CRLF3: variants seen among roughly 807,000 people sequenced by gnomAD.
CRLF3 encodes the protein cytokine receptor-like factor 3.
In CRLF3, 33 loss-of-function variants were observed where a neutral mutation model predicts 55.0. That is an observed-to-expected ratio of 0.60 (90% CI 0.46 to 0.80). The LOEUF is 0.80. Among genes scored for constraint, CRLF3 ranks in the 30% least tolerant of loss-of-function variants. The pLI is 0.00. For synonymous variants in CRLF3, 238 were observed against 196.8 expected (o/e 1.21, Z -1.75); for missense variants, 494 against 538.4 (o/e 0.92, Z 0.82).
chr17:30,795,905 C>T (rs1397307155), intron 4 of CRLF3, among the ~76,000 whole-genome samples: 1 of 151,866 alleles, frequency 6.6e-6, no homozygotes, highest in Non-Finnish European at 1.5e-5. Context: ...TGCAGTAAGC[C>T]GAGATCACGC....
intron 3 of CRLF3, 27 bp downstream of exon 3, chr17:30,797,284 A>G (rs1241095713): frequency 6.6e-7 from 1 of 1,511,446 alleles, no homozygotes; most frequent in Admixed American, 1.7e-5. Flanking sequence ...GCTTAAAAGT[A>G]AGTCAAAAAG....
intron 1 of CRLF3, among the ~76,000 whole-genome samples, chr17:30,821,193 A>G (rs1904985570): frequency 6.6e-6 from 1 of 151,994 alleles, no homozygotes; most frequent in Non-Finnish European, 1.5e-5. Context: ...ACAAAAAATT[A>G]GCCAGGGGTG....
Position 30,783,774 on chromosome 17 carries a change from T to G in CRLF3, c.*413A>C, listed in dbSNP as rs534638963. 7.9e-5 allele frequency: 13 copies of G among 164,420 alleles called. No individual in the cohort carries two copies. The highest frequency in any genetic ancestry group is 3.1e-4 in the African/African-American group (13 of 41,656). 10.2% of individuals were successfully genotyped at this position (164,420 alleles called of 1,614,324 possible). On this transcript the variant is annotated 3_prime_UTR_variant, in exon 8 of 8. Transcript: ENST00000324238. Reference sequence around the variant, plus strand: ...CGGATGTATTAATACATTACACAGCTTCTTCTATCTGACCTATTCCTCTTG... The same window carrying G: ...CGGATGTATTAATACATTACACAGCGTCTTCTATCTGACCTATTCCTCTTG...
At chr17:30,788,977 ATTG>A (rs1003062076) in intron 6 of CRLF3, among the ~76,000 whole-genome samples, 20 of 151,918 alleles carry the variant, frequency 1.3e-4, no homozygotes, top group African/African-American at 4.8e-4. Flanking sequence ...AAAACTAAAT[ATTG>A]TTTCTCTTGA....
intron 6 of CRLF3, chr17:30,786,255 G>T (rs60724269): frequency 0.12 from 44,272 of 380,434 alleles, 2,808 homozygotes; most frequent in South Asian, 0.18. Context: ...TTTCTTTTTT[G>T]TTGAGACGGA....
In CRLF3 at chr17:30,784,277, C is replaced by G; in HGVS notation, c.1239G>C (p.Val413=). Residue 413 remains valine, a synonymous_variant, in exon 8 of 8, where the codon GTG becomes GTC. Coordinates refer to ENST00000324238, the MANE Select transcript of CRLF3 (RefSeq NM_015986.4). ...ACTGATCAAGTAACCAGTCAAAAACCACTTCTCTATTATTTGAACTTATAG... is the reference window on the plus strand; with the variant it reads ...ACTGATCAAGTAACCAGTCAAAAACGACTTCTCTATTATTTGAACTTATAG... ...RVTISSNNRE[V]VFDWLLDQSC... is the part of the protein sequence containing the mutation. 6.2e-7 allele frequency: 1 copy of G among 1,613,808 alleles called. No homozygotes were observed. The highest frequency in any genetic ancestry group is 8.5e-7 in the Non-Finnish European group (1 of 1,179,804).
intron 1 of CRLF3, among the ~76,000 whole-genome samples, chr17:30,815,089 T>C (rs1177885869): frequency 7.0e-5 from 10 of 143,840 alleles, no homozygotes; most frequent in African/African-American, 2.4e-4. Flanking sequence ...TCTTTCTTTT[T>C]TTTTTTTTTT....
At chr17:30,817,331 A>G (rs1904837633) in intron 1 of CRLF3, among the ~76,000 whole-genome samples, 2 of 151,962 alleles carry the variant, frequency 1.3e-5, no homozygotes, top group Admixed American at 1.3e-4. Context: ...CCAGCTACTC[A>G]GGAGGCTGAG....
At chr17:30,809,084 G>C (rs1904528249) in intron 1 of CRLF3, among the ~76,000 whole-genome samples, 1 of 152,176 alleles carries the variant, frequency 6.6e-6, no homozygotes, top group Non-Finnish European at 1.5e-5. Flanking sequence ...AAGTGCATTG[G>C]TTAGGTAAAG....
rs1597907187 is a variant in CRLF3 at position 30,782,732 on chromosome 17, C to T, written c.*1455G>A. ...TGATTCCTATGGCTGGACAAGGTAT[C>T]TACATTCTAGAACATCTTCTTAATC... On this transcript the variant is annotated 3_prime_UTR_variant, in exon 8 of 8. Coordinates refer to ENST00000324238, the MANE Select transcript of CRLF3 (RefSeq NM_015986.4). 1 of 152,080 alleles carries T rather than the reference C, an allele frequency of 6.6e-6. No homozygotes were observed. Among genetic ancestry groups the T allele is most frequent in the South Asian group, 2.1e-4 (1 of 4,824 alleles). The allele number at this position is 152,080 out of a possible 1,614,324, so 9.4% of individuals were successfully genotyped here.
At chr17:30,810,264 C>T (rs1399141864) in intron 1 of CRLF3, among the ~76,000 whole-genome samples, 1 of 152,118 alleles carries the variant, frequency 6.6e-6, no homozygotes, top group Non-Finnish European at 1.5e-5. Flanking sequence ...ACCATTAAAA[C>T]TTACAAAGTT....
intron 1 of CRLF3, among the ~76,000 whole-genome samples, chr17:30,823,124 G>A (rs989712536): frequency 1.3e-5 from 2 of 152,132 alleles, no homozygotes; most frequent in South Asian, 2.1e-4. Context: ...AGCACTTTGG[G>A]AGGCTGAGGC....
At chr17:30,819,287 G>C (rs1040216364) in intron 1 of CRLF3, among the ~76,000 whole-genome samples, 2 of 152,160 alleles carry the variant, frequency 1.3e-5, no homozygotes, top group African/African-American at 2.4e-5. Flanking sequence ...TAAAATACTG[G>C]CATTTCTCAC....
intron 1 of CRLF3, among the ~76,000 whole-genome samples, chr17:30,808,441 C>T (rs1308364967): frequency 6.6e-6 from 1 of 151,436 alleles, no homozygotes; most frequent in African/African-American, 2.4e-5. Context: ...GCGCATGCCA[C>T]CATGCCTGGC....
At chr17:30,797,289 A>C in intron 3 of CRLF3, 22 bp downstream of exon 3, 1 of 1,570,722 alleles carries the variant, frequency 6.4e-7, no homozygotes, top group Non-Finnish European at 8.8e-7. Context: ...AAAGTAAGTC[A>C]AAAAGGCACA....
chr17:30,799,012 G>A (rs1211263081), intron 2 of CRLF3, among the ~76,000 whole-genome samples: 3 of 152,042 alleles, frequency 2.0e-5, no homozygotes, highest in African/African-American at 7.2e-5. Context: ...AGTGGCTCAC[G>A]CCTGTAATCC....
At chr17:30,792,748 G>C in intron 5 of CRLF3, 176 bp from the exon 6 acceptor site, 1 of 467,704 alleles carries the variant, frequency 2.1e-6, no homozygotes, top group Non-Finnish European at 3.8e-6. Flanking sequence ...AATTACAAAA[G>C]ATTTTAGTAT....
At chr17:30,813,131 T>C (rs1597930166) in intron 1 of CRLF3, among the ~76,000 whole-genome samples, 1 of 152,174 alleles carries the variant, frequency 6.6e-6, no homozygotes, top group Non-Finnish European at 1.5e-5. Context: ...TTTTATTACG[T>C]AGCAGTAAAC....
intron 2 of CRLF3, among the ~76,000 whole-genome samples, chr17:30,799,440 C>T (rs1724162169): frequency 6.6e-6 from 1 of 152,082 alleles, no homozygotes; most frequent in Admixed American, 6.6e-5. Flanking sequence ...CTCACTGCAA[C>T]CTCAAACTCT....
Sources: allele counts gnomAD v4.1 joint callset (sites outside exome capture counted in the v4.1 genomes callset), GRCh38; gene constraint gnomAD v4.1.1; transcripts MANE v1.5; gene names NCBI Gene and HGNC (gene_info 2026-07-23, HGNC 2026-07-21).